CPNE8: variants seen among roughly 807,000 people sequenced by gnomAD.
CPNE8 encodes the protein copine-8.
A neutral mutation model predicts 81.5 loss-of-function variants in CPNE8; 45 were observed. The observed-to-expected ratio is 0.55, with a 90% CI of 0.44 to 0.71. The LOEUF (loss-of-function observed/expected upper bound fraction) is 0.71, where lower values mean the gene tolerates loss of function less well. Ranked by LOEUF, CPNE8 falls within the 30% of genes least tolerant of loss-of-function variation. CPNE8 has a pLI of 0.00. For synonymous variants in CPNE8, 252 were observed against 226.3 expected (o/e 1.11, Z -1.02); for missense variants, 594 against 672.1 (o/e 0.88, Z 1.28).
chr12:38,662,331 C>T (rs1027449126), intron 19 of CPNE8, among the ~76,000 whole-genome samples: 11 of 152,096 alleles, frequency 7.2e-5, no homozygotes, highest in Non-Finnish European at 1.5e-4. Flanking sequence ...AATCAACATA[C>T]AACCATCAGT....
At chr12:38,803,472 A>T (rs546867095) in intron 6 of CPNE8, among the ~76,000 whole-genome samples, 391 of 150,960 alleles carry the variant, frequency 2.6e-3, no homozygotes, top group African/African-American at 9.2e-3. Flanking sequence ...TCATGCTAAA[A>T]ACTTTCAATA....
chr12:38,675,835 A>G, intron 17 of CPNE8, 61 bp from the exon 18 acceptor site: 2 of 1,091,002 alleles, frequency 1.8e-6, no homozygotes, highest in Non-Finnish European at 2.8e-6. Flanking sequence ...GAAAATAATT[A>G]AAGGCCAGGC....
At chr12:38,670,683 T>C (rs1426599134) in intron 19 of CPNE8, 46 bp downstream of exon 19, 3 of 1,308,664 alleles carry the variant, frequency 2.3e-6, no homozygotes, top group Non-Finnish European at 3.2e-6. Flanking sequence ...AAGATCCCAA[T>C]GATATTTTCT....
At chr12:38,710,268 C>CAAAAAAAAAAAAAAAAAAAAAAAAAAA (rs57376063) in intron 13 of CPNE8, among the ~76,000 whole-genome samples, 4 of 50,290 alleles carry the variant, frequency 8.0e-5, no homozygotes, top group East Asian at 6.5e-4. Flanking sequence ...AATAAGCTAA[C>CAAAAAAAAAAAAAAAAAAAAAAAAAAA]AAAAAAAAAA....
intron 6 of CPNE8, among the ~76,000 whole-genome samples, chr12:38,780,673 C>A (rs1942031752): frequency 1.3e-5 from 2 of 151,892 alleles, no homozygotes; most frequent in African/African-American, 2.4e-5. Context: ...GGAAGCAACA[C>A]TGGAAACTGA....
intron 8 of CPNE8, among the ~76,000 whole-genome samples, chr12:38,763,654 T>G (rs1941618055): frequency 6.6e-6 from 1 of 152,216 alleles, no homozygotes; most frequent in Non-Finnish European, 1.5e-5. Flanking sequence ...ACAAAACTAT[T>G]CAATCTTAAG....
chr12:38,731,183 A>T (rs1273960899), intron 10 of CPNE8, among the ~76,000 whole-genome samples: 1 of 151,976 alleles, frequency 6.6e-6, no homozygotes, highest in Non-Finnish European at 1.5e-5. Flanking sequence ...CAATGGTGAA[A>T]TGTAGCACGT....
At chr12:38,783,557 A>T (rs984552071) in intron 6 of CPNE8, among the ~76,000 whole-genome samples, 1 of 152,086 alleles carries the variant, frequency 6.6e-6, no homozygotes, top group Non-Finnish European at 1.5e-5. Context: ...GCTGATGCCC[A>T]CCCACAGAGG....
At chr12:38,762,313 TAGTC>T in intron 8 of CPNE8, 97 bp from the exon 9 acceptor site, 1 of 559,350 alleles carries the variant, frequency 1.8e-6, no homozygotes, top group African/African-American at 1.9e-5. Context: ...TTGTTCAGAA[TAGTC>T]AGTTCCGCTG....
chr12:38,850,828 C>T (rs1943632204), intron 3 of CPNE8, among the ~76,000 whole-genome samples: 1 of 152,220 alleles, frequency 6.6e-6, no homozygotes, highest in African/African-American at 2.4e-5. Flanking sequence ...CTCTTGTTCT[C>T]TATACAATCA....
At chr12:38,705,276 G>C (rs1011623357) in intron 13 of CPNE8, among the ~76,000 whole-genome samples, 2 of 152,062 alleles carry the variant, frequency 1.3e-5, no homozygotes, top group Non-Finnish European at 2.9e-5. Flanking sequence ...TGCTATTACA[G>C]CATAGGGTCT....
In CPNE8 at chr12:38,713,633, G is replaced by A. The variant is rs553463544; in HGVS notation, c.914+10139C>T. ...GATAAGAAATTTGGGAGAAAAAAAG[G>A]GTAGAAAATCGTGCTCCAAATGGCC... On this transcript the variant is annotated intron_variant, in intron 13 of 19. Coordinates refer to ENST00000331366, the MANE Select transcript of CPNE8 (RefSeq NM_153634.3). 3.9e-5 allele frequency among the ~76,000 whole-genome samples: 6 copies of A among 152,180 alleles called. No individual in the cohort carries two copies. In the South Asian group the frequency reaches 1.2e-3, roughly 32 times the overall value.
At chr12:38,770,715 G>A (rs965714567) in intron 7 of CPNE8, among the ~76,000 whole-genome samples, 6 of 152,128 alleles carry the variant, frequency 3.9e-5, no homozygotes, top group African/African-American at 7.2e-5. Context: ...ATCTCACATC[G>A]GACCCACACA....
chr12:38,781,605 T>C (rs562835434), intron 6 of CPNE8, among the ~76,000 whole-genome samples: 6 of 152,252 alleles, frequency 3.9e-5, no homozygotes, highest in African/African-American at 1.4e-4. Flanking sequence ...CAATACTGCA[T>C]GCATCTACTA....
intron 19 of CPNE8, among the ~76,000 whole-genome samples, chr12:38,669,167 GA>G: frequency 6.6e-6 from 1 of 152,202 alleles, no homozygotes; most frequent in East Asian, 1.9e-4. Flanking sequence ...ATGTGAGTGT[GA>G]TTTTTACTGT....
At chr12:38,760,791 T>C in intron 10 of CPNE8, 56 bp downstream of exon 10, 1 of 1,313,056 alleles carries the variant, frequency 7.6e-7, no homozygotes, top group Non-Finnish European at 1.1e-6. Flanking sequence ...CATTTCAATG[T>C]ATGTGCCTCT....
chr12:38,728,606 C>G (rs1368139419), intron 11 of CPNE8, among the ~76,000 whole-genome samples: 1 of 151,848 alleles, frequency 6.6e-6, no homozygotes, highest in African/African-American at 2.4e-5. Flanking sequence ...AAAACAGAGC[C>G]TAAGAGAACC....
chr12:38,708,583 A>T (rs989145085), intron 13 of CPNE8, among the ~76,000 whole-genome samples: 2 of 152,222 alleles, frequency 1.3e-5, no homozygotes, highest in Non-Finnish European at 2.9e-5. Context: ...GCCAAATTGC[A>T]TGAGTTAGTA....
At chr12:38,769,536 T>A (rs1282306275) in intron 7 of CPNE8, among the ~76,000 whole-genome samples, 1 of 152,198 alleles carries the variant, frequency 6.6e-6, no homozygotes, top group Admixed American at 6.5e-5. Flanking sequence ...TTCATTTCCA[T>A]ATATATTTAA....
Sources: allele counts gnomAD v4.1 joint callset (sites outside exome capture counted in the v4.1 genomes callset), GRCh38; gene constraint gnomAD v4.1.1; transcripts MANE v1.5; gene names NCBI Gene and HGNC (gene_info 2026-07-23, HGNC 2026-07-21).